BAIAP2: variants seen among roughly 807,000 people sequenced by gnomAD.
BAIAP2 encodes BAR/IMD domain containing adaptor protein 2.
Under a neutral mutation model 63.0 loss-of-function variants are expected in BAIAP2, and 18 were observed. The observed-to-expected ratio is 0.29, with a 90% CI of 0.20 to 0.42. The LOEUF (loss-of-function observed/expected upper bound fraction) is 0.42. BAIAP2 is among the 10% of genes least tolerant of loss of function. The probability of loss-of-function intolerance (pLI) is 1.00; values close to 1 mark genes in which losing one functional copy is unlikely to be tolerated. For synonymous variants in BAIAP2, 386 were observed against 307.6 expected, an observed-to-expected ratio of 1.25 and a Z score of -2.67; for missense variants, 610 against 734.3, an observed-to-expected ratio of 0.83 and a Z score of 1.96.
chr17:81,110,209 G>A (rs770550732), intron 13 of BAIAP2: 73 of 985,582 alleles, frequency 7.4e-5, no homozygotes, highest in Non-Finnish European at 8.2e-5. Context: ...GGCCTGGGAC[G>A]TGGCTGGTAG....
chr17:81,035,224 C>T lies in BAIAP2; in HGVS notation c.-31C>T, dbSNP rs781521993. ...GCTGCCGCCGCTTGCGTCCCCCGCTCCGGTCTGTGGTGCAGCCGGGACCCA... is the reference window on the plus strand; with the variant it reads ...GCTGCCGCCGCTTGCGTCCCCCGCTTCGGTCTGTGGTGCAGCCGGGACCCA... On this transcript the variant is annotated 5_prime_UTR_variant, in exon 1 of 14. Coordinates refer to ENST00000428708, the MANE Select transcript of BAIAP2 (RefSeq NM_001144888.2). 2.0e-6 allele frequency: 3 copies of T among 1,474,938 alleles called. No homozygotes were observed. The highest frequency in any genetic ancestry group is 5.8e-5 in the East Asian group (2 of 34,580). 91.4% of individuals were successfully genotyped at this position (1,474,938 alleles called of 1,614,324 possible). A position where few individuals can be genotyped will look rare whatever the true frequency, so the allele number is the denominator to read the frequency against.
chr17:81,103,546 C>T lies in BAIAP2; in HGVS notation c.687C>T (p.Ala229=), dbSNP rs757794937. The T allele has an allele frequency of 2.5e-6, 4 of 1,596,906 alleles. No homozygotes were observed. Among genetic ancestry groups the T allele is most frequent in the South Asian group, 1.1e-5 (1 of 90,224 alleles). ...LAQKLPLWQQ[A]CADPSKIPER... is the part of the protein sequence containing the mutation. ...AGAAGCTGCCGCTGTGGCAACAGGC[C>T]TGTGCCGACCCCAGCAAGATCCCGG... Residue 229 remains alanine, a synonymous_variant, in exon 8 of 14, where the codon GCC becomes GCT. Coordinates refer to ENST00000428708, the MANE Select transcript of BAIAP2 (RefSeq NM_001144888.2).
At chr17:81,043,283 A>G (rs746399681) in intron 1 of BAIAP2, among the ~76,000 whole-genome samples, 8 of 152,156 alleles carry the variant, frequency 5.3e-5, no homozygotes, top group Non-Finnish European at 1.2e-4. Context: ...GTGGCCGACT[A>G]TGTCTGCCAG....
At chr17:81,095,555 G>A (rs1177865693) in intron 6 of BAIAP2, among the ~76,000 whole-genome samples, 1 of 152,176 alleles carries the variant, frequency 6.6e-6, no homozygotes, top group Non-Finnish European at 1.5e-5. Context: ...TAGACAGAGT[G>A]GCAGCCGCAT....
chr17:81,076,614 A>G (rs919526571), intron 3 of BAIAP2: 1 of 152,148 alleles, frequency 6.6e-6, no homozygotes, highest in African/African-American at 2.4e-5. Flanking sequence ...ACAAAAGGCC[A>G]CATGGGAAAC....
In BAIAP2 at chr17:81,038,394, G is replaced by A. The variant is rs114211528; in HGVS notation, c.54+3086G>A. Among the ~76,000 whole-genome samples the A allele has an allele frequency of 2.3e-3, 350 of 152,300 alleles. 1 individual carries two copies. The highest frequency in any genetic ancestry group is 7.9e-3 in the African/African-American group (328 of 41,562). ...GGTGACCCATGACCTGGAGTGTGGC[G>A]GCTCCACCACCTTCTCTGGGCATAG... On this transcript the variant is annotated intron_variant, in intron 1 of 13. Transcript: ENST00000428708.
At chr17:81,078,456 G>C (rs2054064418) in intron 3 of BAIAP2, among the ~76,000 whole-genome samples, 2 of 136,706 alleles carry the variant, frequency 1.5e-5, no homozygotes, top group South Asian at 5.0e-4. Context: ...ATGGGTGCGG[G>C]TGCCGTATTG....
rs759347952 is a variant in BAIAP2, at chr17:81,103,712, C to G, written c.853C>G (p.Pro285Ala). The stretch of plus-strand genomic sequence containing the variant: ...CCTGCCGGTGCCCCCCGAGCTGGCA[C>G]CGTTCGTGGGGGTGAGTCTGTGGCC... The part of the protein sequence containing the change: ...KPLPVPPELA[P>A]FVGRMSAQES... Residue 285 changes from proline to alanine, a missense_variant, in exon 8 of 14, where the codon CCG becomes GCG. Physicochemically the swap from Pro to Ala is conservative, Grantham distance 27 (BLOSUM62 -1). Transcript: ENST00000428708. 16 of 1,593,896 alleles carry G rather than the reference C, an allele frequency of 1.0e-5. No individual in the cohort carries two copies. The South Asian group carries it at 1.8e-4, about 18-fold the overall frequency.
chr17:81,055,574 G>GTTTTTTGTTTTTTTTGTTTT (rs370775327), intron 2 of BAIAP2, among the ~76,000 whole-genome samples: 3 of 123,406 alleles, frequency 2.4e-5, no homozygotes, highest in Non-Finnish European at 5.0e-5. Context: ...AGGGTGTTTT[G>GTTTTTTGTTTTTTTTGTTTT]TTTTTTTTTG....
At chr17:81,053,221 A>G in intron 1 of BAIAP2, 1 of 146,466 alleles carries the variant, frequency 6.8e-6, no homozygotes, top group Admixed American at 6.4e-5. Context: ...AGGTTTGGTA[A>G]TTGATGTGTT....
chr17:81,103,837 G>A, intron 8 of BAIAP2, 70 bp from the exon 9 acceptor site: 28 of 1,599,234 alleles, frequency 1.8e-5, no homozygotes, highest in Non-Finnish European at 2.3e-5. Flanking sequence ...GGGGGCGGAG[G>A]GTTCTCTTTC....
intron 3 of BAIAP2, among the ~76,000 whole-genome samples, chr17:81,078,446 A>G (rs368379695): frequency 0.17 from 2,491 of 14,960 alleles, no homozygotes; most frequent in East Asian, 0.21. Flanking sequence ...GCTGGGTGCT[A>G]TGGGTGCGGG....
chr17:81,074,625 G>T (rs1419904466), intron 3 of BAIAP2, among the ~76,000 whole-genome samples: 3 of 149,484 alleles, frequency 2.0e-5, no homozygotes, highest in East Asian at 3.9e-4. Context: ...GAGTGCCTGT[G>T]TGCGTGCACG....
At position 81,075,120 on chromosome 17, in the gene BAIAP2, A is replaced by C. The variant is rs372649446; in HGVS notation, c.218-9712A>C. ...TGTGAAGCCAGCCTCGGCTCAGCTC[A>C]CCCACAGAGCTGTCTCCAGCCACAT... On this transcript the variant is annotated intron_variant, in intron 3 of 13. Coordinates refer to ENST00000428708, the MANE Select transcript of BAIAP2 (RefSeq NM_001144888.2). 1.4e-4 allele frequency among the ~76,000 whole-genome samples: 21 copies of C among 152,222 alleles called. 1 individual carries two copies. The highest frequency in any genetic ancestry group is 9.7e-4 in the East Asian group (5 of 5,178).
intron 13 of BAIAP2, among the ~76,000 whole-genome samples, chr17:81,114,433 A>G (rs902212703): frequency 6.6e-6 from 1 of 152,058 alleles, no homozygotes; most frequent in African/African-American, 2.4e-5. Flanking sequence ...GCGGGCCCCT[A>G]GGCAGCCCCT....
chr17:81,066,643 T>C (rs1161586949), intron 3 of BAIAP2, among the ~76,000 whole-genome samples: 1 of 152,248 alleles, frequency 6.6e-6, no homozygotes, highest in East Asian at 1.9e-4. Flanking sequence ...GGGAAGGTCC[T>C]TGGTCATGTG....
At chr17:81,101,440 T>G (rs780435400) in intron 7 of BAIAP2, among the ~76,000 whole-genome samples, 56 of 151,550 alleles carry the variant, frequency 3.7e-4, no homozygotes, top group Non-Finnish European at 7.1e-4. Flanking sequence ...TGGGTAGGAG[T>G]TGGGATGGGA....
intron 1 of BAIAP2, among the ~76,000 whole-genome samples, chr17:81,047,786 G>GCT (rs747803089): frequency 1.6e-5 from 2 of 124,510 alleles, no homozygotes; most frequent in Non-Finnish European, 3.5e-5. Flanking sequence ...CACAGGCCCA[G>GCT]CTCATGCCCA....
chr17:81,084,538 G>C lies in BAIAP2; in HGVS notation c.218-294G>C, dbSNP rs568591159. ...CTCACTGTCACTCACTGTCACGCCT[G>C]GGGTGAAGCACACACGGGCTCTTCC... On this transcript the variant is annotated intron_variant, in intron 3 of 13. Coordinates refer to ENST00000428708, the MANE Select transcript of BAIAP2 (RefSeq NM_001144888.2). Among the ~76,000 whole-genome samples the C allele has an allele frequency of 1.3e-4, 20 of 152,294 alleles. No individual in the cohort carries two copies. In the South Asian group the frequency reaches 3.9e-3, roughly 30 times the overall value.
Sources: allele counts gnomAD v4.1 joint callset (sites outside exome capture counted in the v4.1 genomes callset), GRCh38; gene constraint gnomAD v4.1.1; transcripts MANE v1.5; gene names NCBI Gene and HGNC (gene_info 2026-07-23, HGNC 2026-07-21).